POLA1: variants seen among roughly 807,000 people sequenced by gnomAD.
POLA1 encodes DNA polymerase alpha catalytic subunit.
POLA1 carries 15 observed loss-of-function variants against 124.0 expected under a neutral mutation model. The observed-to-expected ratio is 0.12, with a 90% CI of 0.08 to 0.19. The LOEUF is 0.19. Ranked by LOEUF, POLA1 falls within the 10% of genes least tolerant of loss-of-function variation. POLA1 has a pLI of 1.00. For missense variants in POLA1, 886 were observed against 1,103.4 expected, an observed-to-expected ratio of 0.80 and a Z score of 2.79; for synonymous variants, 408 against 389.4, an observed-to-expected ratio of 1.05 and a Z score of -0.56.
chrX:24,938,687 C>T (rs1037802036), intron 36 of POLA1, among the ~76,000 whole-genome samples: 5 of 112,652 alleles, frequency 4.4e-5, no homozygotes, highest in African/African-American at 9.7e-5. Context: ...ATACTCACTA[C>T]AAGAACGAGA....
chrX:24,877,922 T>G (rs907488459), intron 34 of POLA1, among the ~76,000 whole-genome samples: 15 of 108,627 alleles, frequency 1.4e-4, no homozygotes, highest in African/African-American at 5.0e-4. Context: ...TTTGTTTTTT[T>G]TTTTGTTTTT....
intron 35 of POLA1, among the ~76,000 whole-genome samples, chrX:24,896,583 T>C (rs981543241): frequency 3.6e-5 from 4 of 112,143 alleles, no homozygotes; most frequent in Non-Finnish European, 7.5e-5. Context: ...TCTTCCAATA[T>C]GGCTCAGGGA....
chrX:24,804,212 G>A (rs752371488), intron 26 of POLA1, among the ~76,000 whole-genome samples: 2 of 110,795 alleles, frequency 1.8e-5, no homozygotes, highest in East Asian at 5.6e-4. Flanking sequence ...ACAAATCTAA[G>A]AATAACAGAG....
chrX:24,887,539 G>A (rs967839845), intron 34 of POLA1, among the ~76,000 whole-genome samples: 3 of 111,994 alleles, frequency 2.7e-5, no homozygotes, highest in Admixed American at 9.5e-5. Context: ...AACGGTATAC[G>A]GTAAGTACTG....
chrX:24,943,927 A>C (rs1327663895), intron 36 of POLA1, among the ~76,000 whole-genome samples: 1 of 111,808 alleles, frequency 8.9e-6, no homozygotes, highest in Non-Finnish European at 1.9e-5. Context: ...GGCACAGCAA[A>C]ATCTAAAGAG....
At chrX:24,904,840 CATGGCAAAA>C (rs1157394311) in intron 35 of POLA1, among the ~76,000 whole-genome samples, 1 of 110,942 alleles carries the variant, frequency 9.0e-6, no homozygotes, top group Non-Finnish European at 1.9e-5. Context: ...GCCTGGCCAA[CATGGCAAAA>C]CCCTGTCTCT....
intron 36 of POLA1, among the ~76,000 whole-genome samples, chrX:24,968,340 A>G (rs1246140728): frequency 1.8e-5 from 2 of 111,723 alleles, no homozygotes; most frequent in Non-Finnish European, 3.8e-5. Flanking sequence ...TAGATAAAAA[A>G]TGAAATTACT....
chrX:24,761,839 C>T (rs1250418530), intron 26 of POLA1, among the ~76,000 whole-genome samples: 1 of 112,028 alleles, frequency 8.9e-6, no homozygotes, highest in Admixed American at 9.5e-5. Context: ...AATGACATTG[C>T]TTGTGACCCA....
At chrX:24,793,277 CAAAAAAAAAAAAAA>C (rs144419886) in intron 26 of POLA1, among the ~76,000 whole-genome samples, 4,077 of 26,199 alleles carry the variant, frequency 0.16, 195 homozygotes, top group East Asian at 0.44. Flanking sequence ...GACTCCCTCT[CAAAAAAAAAAAAAA>C]AAAAAAAAAA....
chrX:24,893,070 G>A (rs1232734654), intron 35 of POLA1, among the ~76,000 whole-genome samples: 2 of 112,146 alleles, frequency 1.8e-5, no homozygotes, highest in African/African-American at 6.5e-5. Flanking sequence ...ACAAATTGTT[G>A]ATTTGATGAG....
chrX:24,935,851 G>T (rs1294559591), intron 36 of POLA1, among the ~76,000 whole-genome samples: 1 of 112,602 alleles, frequency 8.9e-6, no homozygotes, highest in Non-Finnish European at 1.9e-5. Context: ...GCAGTGGATT[G>T]TGCTCATTAT....
At chrX:24,941,717 G>A (rs576782270) in intron 36 of POLA1, among the ~76,000 whole-genome samples, 187 of 112,144 alleles carry the variant, frequency 1.7e-3, no homozygotes, top group Middle Eastern at 4.6e-3. Context: ...GTGGCTAACA[G>A]GACAGTAACT....
intron 35 of POLA1, among the ~76,000 whole-genome samples, chrX:24,899,317 A>G (rs778129339): frequency 8.9e-6 from 1 of 112,239 alleles, no homozygotes; most frequent in South Asian, 3.7e-4. Flanking sequence ...GTAGTTTAGA[A>G]GCAATCTAGC....
intron 36 of POLA1, among the ~76,000 whole-genome samples, chrX:24,949,077 A>G (rs1329355541): frequency 3.6e-5 from 4 of 112,046 alleles, no homozygotes; most frequent in Non-Finnish European, 7.5e-5. Flanking sequence ...TATATTTCAC[A>G]TGAAATGAGC....
intron 34 of POLA1, among the ~76,000 whole-genome samples, chrX:24,844,600 G>A (rs2046452712): frequency 9.0e-6 from 1 of 111,540 alleles, no homozygotes; most frequent in South Asian, 3.7e-4. Context: ...AACTCATTAT[G>A]TGAAAAGTAA....
intron 36 of POLA1, among the ~76,000 whole-genome samples, chrX:24,981,923 A>G (rs982180323): frequency 1.8e-5 from 2 of 112,080 alleles, no homozygotes; most frequent in Non-Finnish European, 3.8e-5. Context: ...TGTTTCTAGC[A>G]AATTAAGTGC....
At chrX:24,943,565 G>A (rs749568695) in intron 36 of POLA1, among the ~76,000 whole-genome samples, 3 of 112,212 alleles carry the variant, frequency 2.7e-5, no homozygotes, top group East Asian at 2.8e-4. Flanking sequence ...AAAAGAAAGC[G>A]TCTGAACAGT....
chrX:24,920,470 G>A (rs1198758045), intron 35 of POLA1, among the ~76,000 whole-genome samples: 4 of 111,525 alleles, frequency 3.6e-5, no homozygotes, highest in Admixed American at 1.9e-4. Flanking sequence ...TGAATGGACC[G>A]TCTCTGGCAC....
intron 4 of POLA1, among the ~76,000 whole-genome samples, chrX:24,704,697 A>G (rs1315362068): frequency 8.9e-6 from 1 of 112,136 alleles, no homozygotes; most frequent in African/African-American, 3.2e-5. Context: ...CTGTTATTCA[A>G]GTAGTGTGGT....
Sources: gnomAD v4.1 joint callset for allele counts (sites outside exome capture counted in the v4.1 genomes callset) on GRCh38, gnomAD v4.1.1 for gene constraint, MANE v1.5 for transcripts, NCBI Gene and HGNC (gene_info 2026-07-23, HGNC 2026-07-21) for gene names.